Variants in RAB38 observed in about 807,000 individuals in gnomAD.
The protein encoded by RAB38 is ras-related protein Rab-38.
A neutral mutation model predicts 18.4 loss-of-function variants in RAB38; 15 were observed. That is an observed-to-expected ratio of 0.82 (90% CI 0.55 to 1.26). The LOEUF (loss-of-function observed/expected upper bound fraction) is 1.26. RAB38 is among the 50% of genes most tolerant of loss of function. The pLI, the probability that RAB38 is intolerant of heterozygous loss-of-function variation, is 0.00. For synonymous variants in RAB38, 101 were observed against 104.4 expected (o/e 0.97, Z 0.20); for missense variants, 294 against 267.4 (o/e 1.10, Z -0.69).
At chr11:87,951,466 C>G in the RAB38 span, among the ~76,000 whole-genome samples, 6 of 152,020 alleles carry the variant, frequency 3.9e-5, no homozygotes, top group East Asian at 9.7e-4. Context: ...GGAGGAGAGG[C>G]GCTCTGCTTT....
the RAB38 span, among the ~76,000 whole-genome samples, chr11:87,808,915 C>A: frequency 6.6e-6 from 1 of 151,902 alleles, no homozygotes; most frequent in Non-Finnish European, 1.5e-5. Flanking sequence ...ATTCGATTTT[C>A]ATAAATTAAA....
At chr11:88,122,152 G>A (rs1329198328) in intron 2 of RAB38, among the ~76,000 whole-genome samples, 1 of 152,042 alleles carries the variant, frequency 6.6e-6, no homozygotes, top group Non-Finnish European at 1.5e-5. Context: ...TTAATACGAG[G>A]CAGACACAGC....
the RAB38 span, among the ~76,000 whole-genome samples, chr11:88,005,965 T>G: frequency 6.6e-6 from 1 of 151,684 alleles, no homozygotes; most frequent in Non-Finnish European, 1.5e-5. Context: ...TATGTTTCTG[T>G]TTCTATGACA....
chr11:87,811,521 G>A, the RAB38 span, among the ~76,000 whole-genome samples: 1 of 151,932 alleles, frequency 6.6e-6, no homozygotes, highest in Non-Finnish European at 1.5e-5. Context: ...ACCACGTTAT[G>A]GTCTGTACCT....
chr11:87,964,445 T>C, the RAB38 span, among the ~76,000 whole-genome samples: 1 of 152,144 alleles, frequency 6.6e-6, no homozygotes, highest in Non-Finnish European at 1.5e-5. Context: ...GGTAGGCCAT[T>C]AATTCTGCCC....
At chr11:88,019,539 TATA>T in the RAB38 span, among the ~76,000 whole-genome samples, 1 of 152,180 alleles carries the variant, frequency 6.6e-6, no homozygotes, top group African/African-American at 2.4e-5. Context: ...ATGTAAATCA[TATA>T]ATATCATTCC....
intron 1 of RAB38, among the ~76,000 whole-genome samples, chr11:88,150,658 C>A (rs1943052202): frequency 6.6e-6 from 1 of 152,180 alleles, no homozygotes; most frequent in African/African-American, 2.4e-5. Context: ...TTATTACCCC[C>A]ATTTTAAAGT....
At chr11:88,059,957 A>G in the RAB38 span, among the ~76,000 whole-genome samples, 1 of 152,354 alleles carries the variant, frequency 6.6e-6, no homozygotes, top group Middle Eastern at 3.4e-3. Context: ...CTTTAAAACA[A>G]TCTTGATAAA....
the RAB38 span, among the ~76,000 whole-genome samples, chr11:88,091,471 C>T: frequency 1.3e-5 from 2 of 152,060 alleles, no homozygotes; most frequent in East Asian, 3.9e-4. Context: ...ACCTTCTCAC[C>T]ATCTCTCACC....
At chr11:88,086,654 C>G in the RAB38 span, among the ~76,000 whole-genome samples, 1 of 151,840 alleles carries the variant, frequency 6.6e-6, no homozygotes, top group Admixed American at 6.6e-5. Flanking sequence ...TGAACTCCCT[C>G]AACACACCAG....
At chr11:88,104,222 G>A in the RAB38 span, among the ~76,000 whole-genome samples, 1 of 152,052 alleles carries the variant, frequency 6.6e-6, no homozygotes, top group South Asian at 2.1e-4. Flanking sequence ...GCTATTCCTG[G>A]ATTCTTTAGC....
At chr11:87,952,449 A>G in the RAB38 span, among the ~76,000 whole-genome samples, 22 of 152,312 alleles carry the variant, frequency 1.4e-4, 1 homozygote, top group South Asian at 3.9e-3. Flanking sequence ...ATGTATTGGT[A>G]TATCCACATT....
chr11:87,928,051 C>T, the RAB38 span, among the ~76,000 whole-genome samples: 5 of 151,442 alleles, frequency 3.3e-5, no homozygotes, highest in African/African-American at 7.3e-5. Flanking sequence ...GCATTCCAGC[C>T]TATGCAACAG....
At chr11:87,866,480 AC>A in the RAB38 span, among the ~76,000 whole-genome samples, 1 of 151,690 alleles carries the variant, frequency 6.6e-6, no homozygotes, top group Non-Finnish European at 1.5e-5. Context: ...CTCTATTTTT[AC>A]CTTTCTATCA....
At chr11:87,926,784 T>C in the RAB38 span, among the ~76,000 whole-genome samples, 1 of 152,040 alleles carries the variant, frequency 6.6e-6, no homozygotes, top group Non-Finnish European at 1.5e-5. Context: ...GACTCATTCA[T>C]CAATGCTGAA....
chr11:87,858,750 G>A, the RAB38 span, among the ~76,000 whole-genome samples: 4 of 151,958 alleles, frequency 2.6e-5, no homozygotes, highest in Non-Finnish European at 4.4e-5. Context: ...AATGGCATAG[G>A]AAGAAGGGAT....
intron 1 of RAB38, among the ~76,000 whole-genome samples, chr11:88,150,923 G>A (rs1943055962): frequency 1.3e-5 from 2 of 152,094 alleles, no homozygotes; most frequent in African/African-American, 4.8e-5. Flanking sequence ...CCAGTTTCTG[G>A]ACTCTTGCTC....
the RAB38 span, among the ~76,000 whole-genome samples, chr11:87,841,625 G>A: frequency 6.6e-6 from 1 of 152,042 alleles, no homozygotes; most frequent in Non-Finnish European, 1.5e-5. Flanking sequence ...TTGGATGTTT[G>A]TCTGAAGACC....
the RAB38 span, among the ~76,000 whole-genome samples, chr11:87,962,245 G>C: frequency 6.6e-6 from 1 of 152,132 alleles, no homozygotes; most frequent in African/African-American, 2.4e-5. Context: ...TCCCCGATTT[G>C]ACATGTACTA....
Sources: gnomAD v4.1 joint callset for allele counts (sites outside exome capture counted in the v4.1 genomes callset) on GRCh38, gnomAD v4.1.1 for gene constraint, MANE v1.5 for transcripts, NCBI Gene and HGNC (gene_info 2026-07-23, HGNC 2026-07-21) for gene names.